Variants in AGMO observed in about 807,000 individuals in gnomAD.
AGMO encodes alkylglycerol monooxygenase.
AGMO carries 75 observed loss-of-function variants against 60.2 expected under a neutral mutation model. The observed-to-expected ratio is 1.25, with a 90% CI of 1.03 to 1.51. AGMO has a LOEUF of 1.51. AGMO is among the 40% of genes most tolerant of loss of function. The pLI is 0.00. For synonymous variants in AGMO, 261 were observed against 177.1 expected (o/e 1.47, Z -3.76); for missense variants, 763 against 525.5 (o/e 1.45, Z -4.42).
chr7:15,465,763 A>C (rs1782267546), intron 3 of AGMO, among the ~76,000 whole-genome samples: 1 of 151,818 alleles, frequency 6.6e-6, no homozygotes, highest in Non-Finnish European at 1.5e-5. Context: ...TTTAAGAGTC[A>C]ATCTATGCTT....
chr7:15,246,614 C>G (rs12535417), intron 12 of AGMO, among the ~76,000 whole-genome samples: 51,559 of 151,922 alleles, frequency 0.34, 9,631 homozygotes, highest in East Asian at 0.5. Flanking sequence ...TCCATGGTAA[C>G]GGGGTCTTCA....
chr7:15,557,759 A>G (rs374791623), intron 2 of AGMO, among the ~76,000 whole-genome samples: 1 of 152,138 alleles, frequency 6.6e-6, no homozygotes, highest in Admixed American at 6.6e-5. Context: ...TCCACATTTC[A>G]TAATTTAGAA....
intron 5 of AGMO, among the ~76,000 whole-genome samples, chr7:15,415,063 G>A (rs796284714): frequency 4.6e-5 from 7 of 152,098 alleles, no homozygotes; most frequent in Admixed American, 4.6e-4. Context: ...CTATCTTTCA[G>A]AGTTTGTGAT....
At chr7:15,261,903 CAT>C (rs1783284068) in intron 12 of AGMO, among the ~76,000 whole-genome samples, 2 of 151,966 alleles carry the variant, frequency 1.3e-5, no homozygotes, top group African/African-American at 4.8e-5. Context: ...ACAAAAATCA[CAT>C]GATAATCTCA....
intron 12 of AGMO, among the ~76,000 whole-genome samples, chr7:15,215,527 A>G (rs1186199271): frequency 6.6e-6 from 1 of 151,984 alleles, no homozygotes; most frequent in Admixed American, 6.6e-5. Flanking sequence ...CACACAGTGG[A>G]ACAGATGTGT....
chr7:15,206,673 G>A (rs1781447463), intron 12 of AGMO, among the ~76,000 whole-genome samples: 1 of 152,120 alleles, frequency 6.6e-6, no homozygotes, highest in Admixed American at 6.5e-5. Context: ...AGTATCAGAA[G>A]AGGTTTTTGT....
intron 3 of AGMO, among the ~76,000 whole-genome samples, chr7:15,477,926 T>C (rs1227675880): frequency 5.3e-5 from 8 of 152,160 alleles, no homozygotes; most frequent in African/African-American, 1.9e-4. Context: ...TACTGGATAT[T>C]CGTTGAATTT....
intron 8 of AGMO, among the ~76,000 whole-genome samples, chr7:15,388,417 G>T (rs528585875): frequency 6.6e-6 from 1 of 152,076 alleles, no homozygotes; most frequent in East Asian, 1.9e-4. Context: ...TTCGCCTGGG[G>T]CTTTGCAATA....
At chr7:15,118,788 G>A in the AGMO span, among the ~76,000 whole-genome samples, 2 of 150,528 alleles carry the variant, frequency 1.3e-5, no homozygotes, top group Non-Finnish European at 3.0e-5. Flanking sequence ...CACCTGAGGA[G>A]CTTTAAAAAA....
At chr7:15,321,506 T>C (rs1242253102) in intron 12 of AGMO, among the ~76,000 whole-genome samples, 1 of 152,112 alleles carries the variant, frequency 6.6e-6, no homozygotes. Flanking sequence ...ATGGAGTTCT[T>C]GAGAATGTTT....
At chr7:15,333,218 T>C (rs763579850) in intron 12 of AGMO, among the ~76,000 whole-genome samples, 2 of 152,158 alleles carry the variant, frequency 1.3e-5, no homozygotes, top group African/African-American at 2.4e-5. Flanking sequence ...AACAATCCAC[T>C]TTTAAAGTTA....
the AGMO span, among the ~76,000 whole-genome samples, chr7:15,117,534 G>T: frequency 6.6e-6 from 1 of 151,886 alleles, no homozygotes; most frequent in Non-Finnish European, 1.5e-5. Context: ...TTGAGGGAAG[G>T]AGGGGAGTGA....
At chr7:15,274,817 T>C (rs1251481091) in intron 12 of AGMO, among the ~76,000 whole-genome samples, 1 of 152,016 alleles carries the variant, frequency 6.6e-6, no homozygotes, top group East Asian at 1.9e-4. Flanking sequence ...TTCCATTTCC[T>C]CTAGGTTTTC....
chr7:15,386,189 A>C (rs1021427529), intron 9 of AGMO, among the ~76,000 whole-genome samples: 3 of 71,714 alleles, frequency 4.2e-5, no homozygotes, highest in African/African-American at 1.4e-4. Flanking sequence ...AAAAGAAAAG[A>C]AAAGAAAAAA....
At chr7:15,289,313 ATTT>A (rs1784190363) in intron 12 of AGMO, among the ~76,000 whole-genome samples, 1 of 148,448 alleles carries the variant, frequency 6.7e-6, no homozygotes, top group Non-Finnish European at 1.5e-5. Flanking sequence ...ATGATAAATT[ATTT>A]ATTATCAAAT....
intron 12 of AGMO, among the ~76,000 whole-genome samples, chr7:15,203,930 T>C (rs1459218063): frequency 1.3e-5 from 2 of 152,178 alleles, no homozygotes; most frequent in African/African-American, 4.8e-5. Context: ...TCTTCTTGTG[T>C]CAGTAACCGC....
intron 1 of AGMO, 39 bp from the exon 2 acceptor site, chr7:15,560,310 C>G (rs760546572): frequency 1.3e-6 from 2 of 1,583,786 alleles, no homozygotes; most frequent in Admixed American, 3.5e-5. Flanking sequence ...CTATTATGTT[C>G]CATATGAAAT....
the AGMO span, among the ~76,000 whole-genome samples, chr7:15,134,638 CT>C: frequency 6.6e-6 from 1 of 152,248 alleles, no homozygotes; most frequent in East Asian, 1.9e-4. Context: ...TGATCTCTTT[CT>C]TTTTTATGGC....
At chr7:15,121,073 T>C in the AGMO span, among the ~76,000 whole-genome samples, 102 of 152,236 alleles carry the variant, frequency 6.7e-4, no homozygotes, top group African/African-American at 2.4e-3. Flanking sequence ...ACATGCAGTG[T>C]TTTGTTTTCT....
Sources: allele counts gnomAD v4.1 joint callset (sites outside exome capture counted in the v4.1 genomes callset), GRCh38; gene constraint gnomAD v4.1.1; transcripts MANE v1.5; gene names NCBI Gene and HGNC (gene_info 2026-07-23, HGNC 2026-07-21).